The following DHX16 variants were observed in gnomAD, a reference collection of about 807,000 sequenced individuals.
DHX16 encodes the protein DEAH-box helicase 16.
DHX16 carries 81 observed loss-of-function variants against 131.2 expected under a neutral mutation model. The ratio of observed to expected loss-of-function variants is 0.62; its 90% CI spans 0.52 to 0.74. The LOEUF (loss-of-function observed/expected upper bound fraction) is 0.74, where lower values mean the gene tolerates loss of function less well. Ranked by LOEUF, DHX16 falls within the 30% of genes least tolerant of loss-of-function variation. The probability of loss-of-function intolerance (pLI) is 0.00; values close to 1 mark genes in which losing one functional copy is unlikely to be tolerated. For synonymous variants in DHX16, 440 were observed against 520.2 expected (o/e 0.85, Z 2.10); for missense variants, 980 against 1,363.1 (o/e 0.72, Z 4.43).
At chr6:30,659,045 C>A (rs969350009) in intron 12 of DHX16, among the ~76,000 whole-genome samples, 2 of 152,140 alleles carry the variant, frequency 1.3e-5, no homozygotes, top group Non-Finnish European at 2.9e-5. Flanking sequence ...CGCCACCATG[C>A]CCTGCTGATT....
intron 1 of DHX16, among the ~76,000 whole-genome samples, chr6:30,671,548 T>C (rs944473965): frequency 6.6e-6 from 1 of 152,228 alleles, no homozygotes; most frequent in South Asian, 2.1e-4. Flanking sequence ...GGTTTCACCA[T>C]GTTGGCCAGG....
chr6:30,653,253 C>G lies in DHX16; in HGVS notation c.3115G>C (p.Glu1039Gln). ...TTTACGTCCTTCTCTTACCCTAGCT[C>G]TTCTCGTGTTTTGCCTATTTTTTTG... is the stretch of plus-strand genomic sequence containing the variant. The part of the protein sequence containing the change: ...MPKKIGKTRE[E>Q]LG Residue 1039 changes from glutamate (E) to glutamine (Q), a missense_variant, in exon 20 of 20, where the codon GAG becomes CAG. Glu to Gln is a conservative substitution (Grantham distance 29). Transcript: ENST00000376442. 1 of 1,612,946 alleles carries G rather than the reference C, an allele frequency of 6.2e-7. No homozygotes were observed. Among genetic ancestry groups the G allele is most frequent in the Non-Finnish European group, 8.5e-7 (1 of 1,180,006 alleles).
Position 30,656,184 on chromosome 6 carries a change from A to G in DHX16, c.2498+14T>C. ...GTTTGTGTGCTGGGGGCCCAGGTGG[A>G]GGCGAGGGCTTACTTCTCAGAGGCT... is the stretch of plus-strand genomic sequence containing the variant. On this transcript the variant is annotated intron_variant, in intron 16 of 19. Coordinates refer to ENST00000376442, the MANE Select transcript of DHX16 (RefSeq NM_003587.5). The surrounding 1 kb of genome is among the most constrained non-coding windows in gnomAD (Gnocchi z 5.1). 6.2e-7 allele frequency: 1 copy of G among 1,612,018 alleles called. No homozygotes were observed.
intron 1 of DHX16, 54 bp downstream of exon 1, chr6:30,672,581 T>C (rs73433178): frequency 6.7e-7 from 1 of 1,500,616 alleles, no homozygotes; most frequent in Admixed American, 1.8e-5. Flanking sequence ...GATGGACCGT[T>C]AGGCCAGCCT....
At chr6:30,664,121 C>T (rs1366662289) in intron 7 of DHX16, among the ~76,000 whole-genome samples, 1 of 151,884 alleles carries the variant, frequency 6.6e-6, no homozygotes, top group Admixed American at 6.6e-5. Context: ...CCAGGAGTCC[C>T]AGGTTGCAGT....
Position 30,665,406 on chromosome 6 carries a change from G to A in DHX16, c.921+73C>T. 1 of 1,583,934 alleles carries A rather than the reference G, an allele frequency of 6.3e-7. No homozygotes were observed. Among genetic ancestry groups the A allele is most frequent in the Non-Finnish European group, 8.6e-7 (1 of 1,164,026 alleles). ...CAAGAAAGGGGATGACCCACGTGTT[G>A]CCCAATCCCCTGAAGCCTTCCCCAC... On this transcript the variant is annotated intron_variant, in intron 5 of 19. Transcript: ENST00000376442. This position sits in a 1 kb window ranked among gnomAD's most constrained non-coding sequence, Gnocchi z 4.8.
In DHX16 at chr6:30,665,459, C is replaced by G; in HGVS notation, c.921+20G>C. The stretch of plus-strand genomic sequence containing the variant: ...CTTGTCTTGGGGACCAAGGCTGAAG[C>G]AGACGCCGCTTCACCTCACCTGTCC... On this transcript the variant is annotated intron_variant, in intron 5 of 19. Coordinates refer to ENST00000376442, the MANE Select transcript of DHX16 (RefSeq NM_003587.5). This position sits in a 1 kb window ranked among gnomAD's most constrained non-coding sequence, Gnocchi z 4.8. 1 of 1,606,378 alleles carries G rather than the reference C, an allele frequency of 6.2e-7. No individual in the cohort carries two copies. The highest frequency in any genetic ancestry group is 8.5e-7 in the Non-Finnish European group (1 of 1,175,504).
rs1355638755 is a variant in DHX16 at position 30,662,753 on chromosome 6, GA to G, written c.1429-12del. Reference sequence around the variant, plus strand: ...GATGCTGTAGCCAACCTGGTCAAGGGAACCATTAGCAACCAAGTGTGGGCTG... The same window carrying G: ...GATGCTGTAGCCAACCTGGTCAAGGGACCATTAGCAACCAAGTGTGGGCTG... On this transcript the variant is annotated splice_polypyrimidine_tract_variant and intron_variant, in intron 8 of 19. Transcript: ENST00000376442. This position sits in a 1 kb window ranked among gnomAD's most constrained non-coding sequence, Gnocchi z 4.7. 1 of 1,611,090 alleles carries G rather than the reference GA, an allele frequency of 6.2e-7. No individual in the cohort carries two copies. The highest frequency in any genetic ancestry group is 8.5e-7 in the Non-Finnish European group (1 of 1,178,878).
At position 30,662,082 on chromosome 6, in the gene DHX16, A is replaced by C; in HGVS notation, c.1544+545T>G. On this transcript the variant is annotated intron_variant, in intron 9 of 19. Transcript: ENST00000376442. The surrounding 1 kb of genome is among the most constrained non-coding windows in gnomAD (Gnocchi z 4.7). ...TGGCCATTTCCAGCACTAAGAGCTC[A>C]TTATTCACAGACCAAGCTACCCAAG... The C allele has an allele frequency of 1.8e-6, 1 of 560,600 alleles. No homozygotes were observed. The highest frequency in any genetic ancestry group is 3.2e-6 in the Non-Finnish European group (1 of 310,880). 34.7% of individuals were successfully genotyped at this position (560,600 alleles called of 1,614,324 possible).
rs756121109 is a variant in DHX16 at position 30,665,134 on chromosome 6, T to G, written c.1062A>C (p.Gln354His). Residue 354 changes from glutamine (Q) to histidine (H), a missense_variant, in exon 6 of 20, where the codon CAA (glutamine) becomes CAC (histidine). Around this residue, in one of 3 missense-constraint regions of DHX16, gnomAD observed 457 missense variants for 554.8 expected, o/e 0.82. Transcript: ENST00000376442. The surrounding 1 kb of genome is among the most constrained non-coding windows in gnomAD (Gnocchi z 4.8). ...TGGTCTCCTCCTCCTCCAGCACCAG[T>G]TGATACTTGGGCTCCTGAGAGGCAG... ...RDAASQEPKY[Q>H]LVLEEEETIE... 1 of 1,613,958 alleles carries G rather than the reference T, an allele frequency of 6.2e-7. No individual in the cohort carries two copies. Among genetic ancestry groups the G allele is most frequent in the South Asian group, 1.1e-5 (1 of 91,044 alleles).
rs1470773338 is a variant in DHX16 at position 30,655,159 on chromosome 6, C to A, written c.2823+16G>T. 3 of 1,613,988 alleles carry A rather than the reference C, an allele frequency of 1.9e-6. No individual in the cohort carries two copies. The highest frequency in any genetic ancestry group is 1.7e-5 in the Admixed American group (1 of 60,016). Reference sequence around the variant, plus strand: ...GGTACTGGGGGTGGAAAGCAGGAGGCTGAAGAAATGCTGACCTTGCGTACA... The same window carrying A: ...GGTACTGGGGGTGGAAAGCAGGAGGATGAAGAAATGCTGACCTTGCGTACA... On this transcript the variant is annotated intron_variant, in intron 18 of 19. Coordinates refer to ENST00000376442, the MANE Select transcript of DHX16 (RefSeq NM_003587.5).
intron 7 of DHX16, 24 bp from the exon 8 acceptor site, chr6:30,663,045 A>T (rs905090581): frequency 4.0e-5 from 64 of 1,581,484 alleles, no homozygotes; most frequent in Non-Finnish European, 5.5e-5. Context: ...AAAAAAGAAG[A>T]AGTTTGCCCT....
chr6:30,655,882 T>G (rs1767934563), intron 16 of DHX16, among the ~76,000 whole-genome samples: 1 of 152,142 alleles, frequency 6.6e-6, no homozygotes, highest in South Asian at 2.1e-4. Flanking sequence ...ATTCACTATG[T>G]GCATTTGGAA....
chr6:30,656,643 G>C lies in DHX16; in HGVS notation c.2265C>G (p.Ile755Met). 1 of 1,614,078 alleles carries C rather than the reference G, an allele frequency of 6.2e-7. No homozygotes were observed. The highest frequency in any genetic ancestry group is 8.5e-7 in the Non-Finnish European group (1 of 1,180,026). The stretch of plus-strand genomic sequence containing the variant: ...CGACATTGCCCAAGCTGGTCCTCTG[G>C]ATCTCAGGCACTGTGGTTTCCTCAA... ...HELEETTVPE[I>M]QRTSLGNVVL... The change falls in exon 14 of 20, where the codon ATC becomes ATG. Residue 755 changes from isoleucine to methionine, a missense_variant. This residue lies in a region of DHX16 where 309 missense variants were observed against 537.1 expected (regional missense o/e 0.58). Coordinates refer to ENST00000376442, the MANE Select transcript of DHX16 (RefSeq NM_003587.5). This position sits in a 1 kb window ranked among gnomAD's most constrained non-coding sequence, Gnocchi z 5.1.
In DHX16 at chr6:30,670,500, GC is replaced by G; in HGVS notation, c.610-35del. 1 of 1,598,692 alleles carries G rather than the reference GC, an allele frequency of 6.3e-7. No homozygotes were observed. The highest frequency in any genetic ancestry group is 1.3e-5 in the African/African-American group (1 of 74,670). Reference sequence around the variant, plus strand: ...AAAAACAAGAATGGAGGGGTGTGAGGCCAAAGAGCCCCCACACTGACAGCTG... The same window carrying G: ...AAAAACAAGAATGGAGGGGTGTGAGGCAAAGAGCCCCCACACTGACAGCTG... On this transcript the variant is annotated intron_variant, in intron 3 of 19. Transcript: ENST00000376442. The surrounding 1 kb of genome is among the most constrained non-coding windows in gnomAD (Gnocchi z 4.4).
rs772640089 is a variant in DHX16, at chr6:30,653,245, C to G, written c.3123G>C (p.Gly1041=). The G allele has an allele frequency of 1.2e-6, 2 of 1,612,784 alleles. No individual in the cohort carries two copies. The highest frequency in any genetic ancestry group is 1.3e-5 in the African/African-American group (1 of 74,876). Reference sequence around the variant, plus strand: ...AGGTTCTGTTTACGTCCTTCTCTTACCCTAGCTCTTCTCGTGTTTTGCCTA... The same window carrying G: ...AGGTTCTGTTTACGTCCTTCTCTTAGCCTAGCTCTTCTCGTGTTTTGCCTA... ...KKIGKTREEL[G] Residue 1041 remains glycine, a synonymous_variant, in exon 20 of 20, where the codon GGG becomes GGC. Transcript: ENST00000376442.
intron 4 of DHX16, among the ~76,000 whole-genome samples, chr6:30,667,880 G>C (rs1427839349): frequency 1.3e-5 from 2 of 152,192 alleles, no homozygotes; most frequent in Non-Finnish European, 2.9e-5. Context: ...AACACCACAA[G>C]ATAAGAATCA....
chr6:30,654,835 C>A lies in DHX16; in HGVS notation c.2868G>T (p.Arg956=), dbSNP rs372030308. 1.2e-5 allele frequency: 19 copies of A among 1,612,888 alleles called. No homozygotes were observed. Among genetic ancestry groups the A allele is most frequent in the Non-Finnish European group, 1.6e-5 (19 of 1,180,030 alleles). Residue 956 remains arginine, a synonymous_variant, in exon 19 of 20, where the codon CGG becomes CGT. Transcript: ENST00000376442. ...GCTGTTTCACTGTGCGGTAGCCACT[C>A]CGAGTCAACCGTGCCGTGTGGTAAA... The part of the protein sequence containing the change: ...GYFYHTARLT[R]SGYRTVKQQQ...
chr6:30,660,351 T>C (rs1294562402), intron 9 of DHX16, 109 bp from the exon 10 acceptor site: 1 of 901,500 alleles, frequency 1.1e-6, no homozygotes, highest in Non-Finnish European at 1.6e-6. Flanking sequence ...AGTTCAAGAA[T>C]GACTGTTGAC....
Sources: allele counts gnomAD v4.1 joint callset (sites outside exome capture counted in the v4.1 genomes callset), GRCh38; gene constraint gnomAD v4.1.1; regional missense constraint gnomAD v4.1.1; non-coding constraint Gnocchi (gnomAD v3.1); transcripts MANE v1.5; gene names NCBI Gene and HGNC (gene_info 2026-07-23, HGNC 2026-07-21).